The following DLGAP4 variants were observed in gnomAD, a reference collection of about 807,000 sequenced individuals.
DLGAP4 encodes DLG associated protein 4.
DLGAP4 carries 18 observed loss-of-function variants against 86.9 expected under a neutral mutation model. The ratio of observed to expected loss-of-function variants is 0.21; its 90% CI spans 0.14 to 0.31. The LOEUF is 0.31. Among genes scored for constraint, DLGAP4 ranks in the 10% least tolerant of loss-of-function variants. The pLI is 1.00. For synonymous variants in DLGAP4, 548 were observed against 574.3 expected (o/e 0.95, Z 0.65); for missense variants, 1,085 against 1,362.6 (o/e 0.80, Z 3.21).
rs542487665 is a variant in DLGAP4, at chr20:36,356,334, C to T, written c.-303-10711C>T. Among the ~76,000 whole-genome samples, 94 of 150,990 alleles carry T rather than the reference C, an allele frequency of 6.2e-4. No individual in the cohort carries two copies. In the South Asian group the frequency reaches 6.9e-3, roughly 11 times the overall value. ...GTTTGTTTGTTTGTTTGTTTTGAGA[C>T]GGAGTCTCGCTCTGTCACCCAGGCT... On this transcript the variant is annotated intron_variant, in intron 1 of 12. Transcript: ENST00000339266.
At chr20:36,335,351 G>A (rs2065310943) in intron 1 of DLGAP4, among the ~76,000 whole-genome samples, 1 of 152,200 alleles carries the variant, frequency 6.6e-6, no homozygotes, top group African/African-American at 2.4e-5. Context: ...CATCTTTGCT[G>A]CTTACTGGCT....
At chr20:36,404,820 G>C (rs1257758384) in intron 2 of DLGAP4, among the ~76,000 whole-genome samples, 1 of 152,252 alleles carries the variant, frequency 6.6e-6, no homozygotes, top group Non-Finnish European at 1.5e-5. Flanking sequence ...TGCCATTGCA[G>C]CTTGTGCAGA....
intron 1 of DLGAP4, among the ~76,000 whole-genome samples, chr20:36,341,675 C>T (rs1287286657): frequency 1.3e-5 from 2 of 152,238 alleles, no homozygotes; most frequent in East Asian, 3.9e-4. Context: ...TTGGGTGGCC[C>T]ACTGGGCTGC....
intron 1 of DLGAP4, among the ~76,000 whole-genome samples, chr20:36,328,156 A>C (rs1437674886): frequency 6.6e-6 from 1 of 151,930 alleles, no homozygotes; most frequent in African/African-American, 2.4e-5. Context: ...CTGAGATGGT[A>C]CCACTGCATT....
chr20:36,468,907 G>T (rs2034534779), intron 7 of DLGAP4, among the ~76,000 whole-genome samples: 1 of 152,136 alleles, frequency 6.6e-6, no homozygotes, highest in African/African-American at 2.4e-5. Flanking sequence ...TTGCTTTCTC[G>T]TAAATTTGCT....
At chr20:36,357,539 G>A (rs1175275605) in intron 1 of DLGAP4, among the ~76,000 whole-genome samples, 1 of 152,238 alleles carries the variant, frequency 6.6e-6, no homozygotes, top group Non-Finnish European at 1.5e-5. Flanking sequence ...GAGCATGGCT[G>A]TGGACTGTCA....
intron 1 of DLGAP4, among the ~76,000 whole-genome samples, chr20:36,366,135 T>C (rs1412519606): frequency 6.6e-6 from 1 of 152,204 alleles, no homozygotes; most frequent in South Asian, 2.1e-4. Context: ...TTTTGGTTTT[T>C]TTGAGATGGA....
At chr20:36,507,416 CAG>C (rs1404481486) in intron 10 of DLGAP4, among the ~76,000 whole-genome samples, 1 of 152,070 alleles carries the variant, frequency 6.6e-6, no homozygotes, top group Non-Finnish European at 1.5e-5. Context: ...TTAGTAGAGA[CAG>C]GGTTTCACCA....
intron 1 of DLGAP4, among the ~76,000 whole-genome samples, chr20:36,357,266 C>T (rs1243087096): frequency 6.6e-6 from 1 of 152,226 alleles, no homozygotes; most frequent in Admixed American, 6.5e-5. Flanking sequence ...CTCTGTCCCT[C>T]TTCCCGCCTT....
intron 7 of DLGAP4, among the ~76,000 whole-genome samples, chr20:36,491,639 G>T (rs1481898610): frequency 1.3e-5 from 2 of 151,992 alleles, no homozygotes; most frequent in Non-Finnish European, 2.9e-5. Context: ...GCTGGAAGGG[G>T]TATGCTGAGG....
chr20:36,422,767 G>T lies in DLGAP4; in HGVS notation c.-72-8879G>T, dbSNP rs144152162. ...CACAGAGGCACCATGGAGCAGGGAG[G>T]TTCCCAGGGAGGCAGCAGCTTTGCT... On this transcript the variant is annotated intron_variant, in intron 2 of 12. Coordinates refer to ENST00000339266, the MANE Select transcript of DLGAP4 (RefSeq NM_001365621.2). Among the ~76,000 whole-genome samples the T allele has an allele frequency of 7.1e-3, 1,086 of 152,280 alleles. 8 individuals carry two copies. The highest frequency in any genetic ancestry group is 0.023 in the African/African-American group (970 of 41,554).
intron 2 of DLGAP4, among the ~76,000 whole-genome samples, chr20:36,371,470 C>T (rs915912320): frequency 1.3e-5 from 2 of 152,206 alleles, no homozygotes; most frequent in African/African-American, 4.8e-5. Context: ...CGGTAGGAGA[C>T]CTGTGTGACA....
At chr20:36,485,178 G>A (rs1287112530) in intron 7 of DLGAP4, among the ~76,000 whole-genome samples, 1 of 152,064 alleles carries the variant, frequency 6.6e-6, no homozygotes, top group Non-Finnish European at 1.5e-5. Flanking sequence ...TTGAGCCCAG[G>A]AGTTTGAGAC....
chr20:36,341,188 G>A (rs150039669), intron 1 of DLGAP4, among the ~76,000 whole-genome samples: 3 of 152,230 alleles, frequency 2.0e-5, no homozygotes, highest in Middle Eastern at 3.4e-3. Flanking sequence ...ACCTCGGCCC[G>A]GCCATCTCTT....
intron 10 of DLGAP4, among the ~76,000 whole-genome samples, chr20:36,516,602 G>A (rs1477625376): frequency 6.6e-6 from 1 of 150,692 alleles, no homozygotes; most frequent in African/African-American, 2.4e-5. Context: ...GGAGGCAGAG[G>A]TTGCAGTGAG....
chr20:36,482,726 C>T (rs189278347), intron 7 of DLGAP4, among the ~76,000 whole-genome samples: 264 of 152,240 alleles, frequency 1.7e-3, no homozygotes, highest in Admixed American at 4.3e-3. Flanking sequence ...GGCTGGAGTG[C>T]AGTGGCATGA....
chr20:36,429,356 G>A (rs1263088649), intron 2 of DLGAP4, among the ~76,000 whole-genome samples: 1 of 146,942 alleles, frequency 6.8e-6, no homozygotes. Context: ...TGGGATTACA[G>A]ATATGAGAAA....
At chr20:36,368,449 T>C (rs1643539735) in intron 2 of DLGAP4, among the ~76,000 whole-genome samples, 1 of 152,258 alleles carries the variant, frequency 6.6e-6, no homozygotes, top group African/African-American at 2.4e-5. Context: ...AGATAACGTA[T>C]GTAGAAGTGC....
In DLGAP4 at chr20:36,431,909, G is replaced by T. The variant is rs2033141129; in HGVS notation, c.192G>T (p.Leu64=). ...GDGLFPLNNQ[L]PPPSSTFPRI... ...GCCTCTTTCCCCTCAACAACCAGCT[G>T]CCCCCGCCCAGCAGCACCTTTCCCC... Residue 64 remains leucine (L), a synonymous_variant, in exon 3 of 13, where the codon CTG becomes CTT. Transcript: ENST00000339266. This position sits in a 1 kb window ranked among gnomAD's most constrained non-coding sequence, Gnocchi z 5.1. 6.2e-7 allele frequency: 1 copy of T among 1,614,058 alleles called. No individual in the cohort carries two copies. The highest frequency in any genetic ancestry group is 1.7e-5 in the Admixed American group (1 of 60,012).
Sources: allele counts gnomAD v4.1 joint callset (sites outside exome capture counted in the v4.1 genomes callset), GRCh38; gene constraint gnomAD v4.1.1; non-coding constraint Gnocchi (gnomAD v3.1); transcripts MANE v1.5; gene names NCBI Gene and HGNC (gene_info 2026-07-23, HGNC 2026-07-21).